UBE2E3: variants seen among roughly 807,000 people sequenced by gnomAD.
UBE2E3 encodes the protein ubiquitin conjugating enzyme E2 E3, also known as ubiquitin-conjugating enzyme E2 E3.
A neutral mutation model predicts 23.6 loss-of-function variants in UBE2E3; 5 were observed. The ratio of observed to expected loss-of-function variants is 0.21; its 90% CI spans 0.11 to 0.44. The LOEUF is 0.44. Among genes scored for constraint, UBE2E3 ranks in the 20% least tolerant of loss-of-function variants. The pLI is 0.99. For missense variants in UBE2E3, 81 were observed against 249.8 expected, an observed-to-expected ratio of 0.32 and a Z score of 4.55; for synonymous variants, 78 against 87.5, an observed-to-expected ratio of 0.89 and a Z score of 0.60.
intron 3 of UBE2E3, among the ~76,000 whole-genome samples, chr2:180,992,249 T>G (rs561138411): frequency 7.1e-6 from 1 of 141,144 alleles, no homozygotes; most frequent in South Asian, 2.2e-4. Context: ...CACTTTGCTT[T>G]CAAATACTCT....
chr2:181,044,150 G>A (rs2105465585), intron 3 of UBE2E3, among the ~76,000 whole-genome samples: 1 of 152,088 alleles, frequency 6.6e-6, no homozygotes, highest in South Asian at 2.1e-4. Flanking sequence ...TTTTTCCCAA[G>A]TACTACAATT....
At chr2:181,005,080 A>G (rs987534687) in intron 3 of UBE2E3, among the ~76,000 whole-genome samples, 1 of 152,234 alleles carries the variant, frequency 6.6e-6, no homozygotes, top group Non-Finnish European at 1.5e-5. Flanking sequence ...CATACAACTC[A>G]AACCAAACCA....
intron 3 of UBE2E3, among the ~76,000 whole-genome samples, chr2:181,021,570 T>TCCTTCCTTCCTTCCTTCCTCCCTCCCTC (rs1685685207): frequency 3.9e-5 from 3 of 76,222 alleles, no homozygotes; most frequent in Non-Finnish European, 7.6e-5. Flanking sequence ...CTTCCTTCCT[T>TCCTTCCTTCCTTCCTTCCTCCCTCCCTC]CCTCCCTCCC....
intron 3 of UBE2E3, among the ~76,000 whole-genome samples, chr2:181,017,519 A>G (rs1228134832): frequency 6.6e-6 from 1 of 151,980 alleles, no homozygotes; most frequent in Admixed American, 6.6e-5. Flanking sequence ...CCAAGGGAAG[A>G]CAGCGTGTAT....
chr2:181,054,153 C>T (rs1686923231), intron 3 of UBE2E3, among the ~76,000 whole-genome samples: 2 of 151,794 alleles, frequency 1.3e-5, no homozygotes, highest in Admixed American at 1.3e-4. Context: ...AGCTGCTATT[C>T]ACATCTGCAT....
rs574359411 is a variant in UBE2E3 at position 181,010,811 on chromosome 2, C to CT, written c.245+26732dup. Among the ~76,000 whole-genome samples, 924 of 143,018 alleles carry CT rather than the reference C, an allele frequency of 6.5e-3. 3 individuals are homozygous for CT. Among genetic ancestry groups the CT allele is most frequent in the Middle Eastern group, 0.014 (4 of 276 alleles). 93.8% of individuals were successfully genotyped at this position (143,018 alleles called of 152,430 possible). A position where few individuals can be genotyped will look rare whatever the true frequency, so the allele number is the denominator to read the frequency against. Reference sequence around the variant, plus strand: ...TTACCTCCTGTTGTCATATCCTCCTCTTTTTTTTTTTTTTACATTTTGCAT... The same window carrying CT: ...TTACCTCCTGTTGTCATATCCTCCTCTTTTTTTTTTTTTTTACATTTTGCAT... On this transcript the variant is annotated intron_variant, in intron 3 of 5. Transcript: ENST00000410062.
Position 180,982,096 on chromosome 2 carries a change from C to T in UBE2E3, c.54C>T (p.Gly18=). The T allele has an allele frequency of 6.2e-7, 1 of 1,610,804 alleles. No individual in the cohort carries two copies. The highest frequency in any genetic ancestry group is 8.5e-7 in the Non-Finnish European group (1 of 1,178,734). Residue 18 remains glycine (G), a synonymous_variant, in exon 2 of 6, where the codon GGC becomes GGT. Transcript: ENST00000410062. ...SDDESPSTSS[G]SSDADQRDPA... ...ATGAGAGCCCCAGCACCAGCAGTGGCAGTTCAGATGCGGACCAGCGAGACC... is the reference window on the plus strand; with the variant it reads ...ATGAGAGCCCCAGCACCAGCAGTGGTAGTTCAGATGCGGACCAGCGAGACC...
intron 3 of UBE2E3, among the ~76,000 whole-genome samples, chr2:181,023,007 C>G (rs1269196162): frequency 6.6e-6 from 1 of 152,198 alleles, no homozygotes; most frequent in Non-Finnish European, 1.5e-5. Flanking sequence ...AACAGTGGTT[C>G]CACTTAATGT....
chr2:181,041,789 TG>T (rs1686513823), intron 3 of UBE2E3, among the ~76,000 whole-genome samples: 1 of 152,270 alleles, frequency 6.6e-6, no homozygotes, highest in Admixed American at 6.5e-5. Flanking sequence ...TTTTGGCCAG[TG>T]CTTTCACTAG....
intron 3 of UBE2E3, among the ~76,000 whole-genome samples, chr2:181,038,677 GA>G (rs775564240): frequency 2.0e-5 from 3 of 152,100 alleles, no homozygotes; most frequent in African/African-American, 7.2e-5. Flanking sequence ...AAAATAATTT[GA>G]AAACCTCTGT....
chr2:181,027,207 G>A lies in UBE2E3; in HGVS notation c.246-30486G>A, dbSNP rs145211395. On this transcript the variant is annotated intron_variant, in intron 3 of 5. Transcript: ENST00000410062. ...CTTATGTGAATTTCGGATTTGTAAC[G>A]TATATATGTATGTATATTTATGTTT... is the stretch of plus-strand genomic sequence containing the variant. Among the ~76,000 whole-genome samples, 832 of 151,950 alleles carry A rather than the reference G, an allele frequency of 5.5e-3. 6 individuals are homozygous for A. The highest frequency in any genetic ancestry group is 9.4e-3 in the Non-Finnish European group (640 of 67,772).
At chr2:180,990,112 C>T (rs1559112457) in intron 3 of UBE2E3, 1 of 957,628 alleles carries the variant, frequency 1.0e-6, no homozygotes, top group African/African-American at 1.6e-5. Flanking sequence ...AACTTTTAAC[C>T]TTTCTTTTGC....
intron 3 of UBE2E3, among the ~76,000 whole-genome samples, chr2:181,014,801 G>A (rs1419671656): frequency 1.3e-5 from 2 of 151,978 alleles, no homozygotes; most frequent in African/African-American, 4.8e-5. Flanking sequence ...TGATCAAATG[G>A]GGATAATTGG....
intron 3 of UBE2E3, among the ~76,000 whole-genome samples, chr2:181,008,157 T>C (rs1446976012): frequency 6.6e-6 from 1 of 152,188 alleles, no homozygotes; most frequent in African/African-American, 2.4e-5. Flanking sequence ...TAGACAAATA[T>C]GATGGGTATG....
At chr2:180,999,659 CA>C (rs1488083558) in intron 3 of UBE2E3, among the ~76,000 whole-genome samples, 1 of 151,846 alleles carries the variant, frequency 6.6e-6, no homozygotes, top group Non-Finnish European at 1.5e-5. Flanking sequence ...AAAAGAAAAC[CA>C]AAATATAAAA....
intron 3 of UBE2E3, among the ~76,000 whole-genome samples, chr2:181,000,921 G>A (rs1027430480): frequency 1.3e-5 from 2 of 152,146 alleles, no homozygotes; most frequent in African/African-American, 4.8e-5. Flanking sequence ...AAAATTTTAA[G>A]CACATTAGCA....
chr2:181,024,899 A>G (rs1685830529), intron 3 of UBE2E3, among the ~76,000 whole-genome samples: 1 of 152,016 alleles, frequency 6.6e-6, no homozygotes, highest in African/African-American at 2.4e-5. Flanking sequence ...CAAAGGTAGA[A>G]TTTCCCATGT....
chr2:181,048,562 A>G (rs1686738828), intron 3 of UBE2E3, among the ~76,000 whole-genome samples: 2 of 152,224 alleles, frequency 1.3e-5, no homozygotes, highest in South Asian at 2.1e-4. Context: ...AGGAGTAGGA[A>G]GATAAAATCA....
At chr2:181,008,981 A>G (rs1363926659) in intron 3 of UBE2E3, among the ~76,000 whole-genome samples, 1 of 152,016 alleles carries the variant, frequency 6.6e-6, no homozygotes, top group Non-Finnish European at 1.5e-5. Context: ...AGTTGAATGA[A>G]ACATCATTGG....
Sources: gnomAD v4.1 joint callset for allele counts (sites outside exome capture counted in the v4.1 genomes callset) on GRCh38, gnomAD v4.1.1 for gene constraint, MANE v1.5 for transcripts, NCBI Gene and HGNC (gene_info 2026-07-23, HGNC 2026-07-21) for gene names.